ABL1: variants seen among roughly 807,000 people sequenced by gnomAD.
ABL1 encodes the protein ABL proto-oncogene 1, non-receptor tyrosine kinase, also known as tyrosine-protein kinase ABL1.
ABL1 carries 11 observed loss-of-function variants against 94.7 expected under a neutral mutation model. That is an observed-to-expected ratio of 0.12 (90% CI 0.07 to 0.19). The LOEUF (loss-of-function observed/expected upper bound fraction) is 0.19. ABL1 is among the 10% of genes least tolerant of loss of function. The pLI, the probability that ABL1 is intolerant of heterozygous loss-of-function variation, is 1.00. For missense variants in ABL1, 1,082 were observed against 1,489.4 expected (o/e 0.73, Z 4.50); for synonymous variants, 656 against 622.4 (o/e 1.05, Z -0.80).
Position 130,761,208 on chromosome 9 carries a change from C to T in ABL1, c.136+46753C>T, listed in dbSNP as rs146254424. Among the ~76,000 whole-genome samples, 1,182 of 152,270 alleles carry T rather than the reference C, an allele frequency of 7.8e-3. 14 individuals carry two copies. The highest frequency in any genetic ancestry group is 0.026 in the African/African-American group (1,101 of 41,562). On this transcript the variant is annotated intron_variant, in intron 1 of 10. Transcript: ENST00000372348. ...GGTCTCGATCTCCTGACCTCGTGATCCACCCGCCTTGGCCTCCCAAAGTGC... is the reference window on the plus strand; with the variant it reads ...GGTCTCGATCTCCTGACCTCGTGATTCACCCGCCTTGGCCTCCCAAAGTGC...
chr9:130,731,122 T>G (rs1471650874), intron 1 of ABL1, among the ~76,000 whole-genome samples: 1 of 144,634 alleles, frequency 6.9e-6, no homozygotes, highest in Non-Finnish European at 1.5e-5. Context: ...TTCTCCTGCC[T>G]CAGTCCCCCG....
chr9:130,874,895 AG>A lies in ABL1; in HGVS notation c.1117del (p.Glu373ArgfsTer5). 6.2e-7 allele frequency: 1 copy of A among 1,614,196 alleles called. No homozygotes were observed. The highest frequency in any genetic ancestry group is 1.1e-5 in the South Asian group (1 of 91,078). On this transcript the variant is annotated frameshift_variant, in exon 7 of 11. Coordinates refer to ENST00000318560, the MANE Select transcript of ABL1 (RefSeq NM_005157.6). LOFTEE classifies it high-confidence loss of function. The stretch of plus-strand genomic sequence containing the variant: ...ATCTTGCTGCCCGAAACTGCCTGGT[AG>A]GGGAGAACCACTTGGTGAAGGTAGC... ...RDLAARNCLV[G>X]ENHLVKVADF...
chr9:130,873,761 T>C (rs1831294244), intron 6 of ABL1, among the ~76,000 whole-genome samples: 1 of 152,250 alleles, frequency 6.6e-6, no homozygotes, highest in South Asian at 2.1e-4. Context: ...TGATGGGCTT[T>C]GCTGGCGTCT....
At chr9:130,788,383 G>GT (rs1201618922) in intron 1 of ABL1, among the ~76,000 whole-genome samples, 1 of 152,184 alleles carries the variant, frequency 6.6e-6, no homozygotes, top group Non-Finnish European at 1.5e-5. Context: ...TCATTTGGGA[G>GT]TAGGTCACAA....
Position 130,885,867 on chromosome 9 carries a change from C to A in ABL1, c.*184C>A. 1.4e-6 allele frequency: 1 copy of A among 717,644 alleles called. No homozygotes were observed. The highest frequency in any genetic ancestry group is 2.2e-6 in the Non-Finnish European group (1 of 450,880). 44.5% of individuals were successfully genotyped at this position (717,644 alleles called of 1,614,324 possible). On this transcript the variant is annotated 3_prime_UTR_variant, in exon 11 of 11. Coordinates refer to ENST00000318560, the MANE Select transcript of ABL1 (RefSeq NM_005157.6). ...CTACTACCTACGTTTGCACCGCCTG[C>A]CCTCCCGCACCTTCCTCCTCCCCGC...
At chr9:130,878,374 T>C in intron 7 of ABL1, 41 bp from the exon 8 acceptor site, 1 of 1,609,696 alleles carries the variant, frequency 6.2e-7, no homozygotes, top group Non-Finnish European at 8.5e-7. Flanking sequence ...AGTGAAATGC[T>C]ACACATCTTG....
At chr9:130,776,611 T>C (rs1832314674) in intron 1 of ABL1, among the ~76,000 whole-genome samples, 1 of 151,422 alleles carries the variant, frequency 6.6e-6, no homozygotes, top group Non-Finnish European at 1.5e-5. Context: ...TGGTGACTCT[T>C]TTCTTGAGGT....
At chr9:130,866,527 C>T (rs779225634) in intron 4 of ABL1, among the ~76,000 whole-genome samples, 6 of 152,102 alleles carry the variant, frequency 3.9e-5, no homozygotes, top group Non-Finnish European at 7.3e-5. Flanking sequence ...GCTGGCTTCT[C>T]CAAGGGCAGA....
Position 130,872,748 on chromosome 9 carries a change from C to A in ABL1, c.908-112C>A. 2 of 1,149,634 alleles carry A rather than the reference C, an allele frequency of 1.7e-6. No individual in the cohort carries two copies. Among genetic ancestry groups the A allele is most frequent in the Non-Finnish European group, 2.5e-6 (2 of 807,796 alleles). 71.2% of individuals were successfully genotyped at this position (1,149,634 alleles called of 1,614,324 possible). A position where few individuals can be genotyped will look rare whatever the true frequency, so the allele number is the denominator to read the frequency against. On this transcript the variant is annotated intron_variant, in intron 5 of 10. Coordinates refer to ENST00000318560, the MANE Select transcript of ABL1 (RefSeq NM_005157.6). The surrounding 1 kb of genome is among the most constrained non-coding windows in gnomAD (Gnocchi z 5.0). The stretch of plus-strand genomic sequence containing the variant: ...GCTTGGGACCATGTTGGAAGTTGGG[C>A]CCAGGACTGAGGAGCAGAGTCAGAA...
chr9:130,774,801 C>G (rs534371051), intron 1 of ABL1, among the ~76,000 whole-genome samples: 303 of 151,858 alleles, frequency 2.0e-3, no homozygotes, highest in African/African-American at 6.9e-3. Context: ...GAGATTGCAC[C>G]ACTGCACTCC....
chr9:130,750,192 CATATATATATAT>C (rs56263750), intron 1 of ABL1, among the ~76,000 whole-genome samples: 27,106 of 106,498 alleles, frequency 0.25, 4,318 homozygotes, highest in East Asian at 0.55. Flanking sequence ...AAAAAAAATA[CATATATATATAT>C]ATATATATAT....
chr9:130,752,958 CAAA>C (rs752754691), intron 1 of ABL1, among the ~76,000 whole-genome samples: 6 of 82,510 alleles, frequency 7.3e-5, no homozygotes, highest in Non-Finnish European at 2.6e-5. Context: ...GACTTCGTCT[CAAA>C]AAAAAAAAAA....
At position 130,872,984 on chromosome 9, in the gene ABL1, C is replaced by T; in HGVS notation, c.1032C>T (p.Ala344=). 6.2e-7 allele frequency: 1 copy of T among 1,614,160 alleles called. No individual in the cohort carries two copies. The highest frequency in any genetic ancestry group is 8.5e-7 in the Non-Finnish European group (1 of 1,180,024). The part of the protein sequence containing the change: ...EVNAVVLLYM[A]TQISSAMEYL... ...ACGCCGTGGTGCTGCTGTACATGGC[C>T]ACTCAGATCTCGTCAGCCATGGAGT... Residue 344 remains alanine, a synonymous_variant, in exon 6 of 11, where the codon GCC becomes GCT. Transcript: ENST00000318560. This position sits in a 1 kb window ranked among gnomAD's most constrained non-coding sequence, Gnocchi z 5.0.
intron 1 of ABL1, among the ~76,000 whole-genome samples, chr9:130,731,660 T>C (rs1831668490): frequency 6.6e-6 from 1 of 152,228 alleles, no homozygotes. Flanking sequence ...TGTATTACTG[T>C]AGCTTTAAAA....
At chr9:130,817,067 A>AGTGAG (rs1830297052) in intron 1 of ABL1, among the ~76,000 whole-genome samples, 1 of 152,142 alleles carries the variant, frequency 6.6e-6, no homozygotes, top group Admixed American at 6.5e-5. Flanking sequence ...CACTTTCCTG[A>AGTGAG]CCTTAGAATT....
chr9:130,872,727 G>T lies in ABL1; in HGVS notation c.908-133G>T. The T allele has an allele frequency of 2.4e-6, 2 of 843,666 alleles. No homozygotes were observed. Among genetic ancestry groups the T allele is most frequent in the Non-Finnish European group, 3.7e-6 (2 of 547,636 alleles). The allele number at this position is 843,666 out of a possible 1,614,324, so 52.3% of individuals were successfully genotyped here. A position where few individuals can be genotyped will look rare whatever the true frequency, so the allele number is the denominator to read the frequency against. ...GCACAGTCTCAGGATGCAGGTGCTT[G>T]GGACCATGTTGGAAGTTGGGCCCAG... On this transcript the variant is annotated intron_variant, in intron 5 of 10. Coordinates refer to ENST00000318560, the MANE Select transcript of ABL1 (RefSeq NM_005157.6). The surrounding 1 kb of genome is among the most constrained non-coding windows in gnomAD (Gnocchi z 5.0).
Position 130,880,748 on chromosome 9 carries a change from G to A in ABL1, c.1678+84G>A. 2.0e-6 allele frequency: 3 copies of A among 1,497,508 alleles called. No individual in the cohort carries two copies. Among genetic ancestry groups the A allele is most frequent in the Non-Finnish European group, 2.7e-6 (3 of 1,111,406 alleles). The allele number at this position is 1,497,508 out of a possible 1,614,324, so 92.8% of individuals were successfully genotyped here. ...TCAGGCCATCATAGGCCAACGGGAA[G>A]CTGTGAATGGAGCCCGCACAGAAGG... is the stretch of plus-strand genomic sequence containing the variant. On this transcript the variant is annotated intron_variant, in intron 10 of 10. Transcript: ENST00000318560. This position sits in a 1 kb window ranked among gnomAD's most constrained non-coding sequence, Gnocchi z 4.4.
rs753386838 is a variant in ABL1 at position 130,885,397 on chromosome 9, C to G, written c.3107C>G (p.Thr1036Ser). 2.5e-6 allele frequency: 4 copies of G among 1,613,648 alleles called. No homozygotes were observed. The highest frequency in any genetic ancestry group is 3.3e-4 in the Middle Eastern group (2 of 6,062). ...AITKGVVLDS[T>S]EALCLAISRN... ...ACCAAGGGCGTGGTCCTGGACAGCA[C>G]CGAGGCGCTGTGCCTCGCCATCTCT... The change falls in exon 11 of 11, where the codon ACC (threonine) becomes AGC (serine). Residue 1036 changes from threonine (T) to serine (S), a missense_variant. By Grantham distance (58) the Thr-to-Ser change is moderately conservative (BLOSUM62 1). Coordinates refer to ENST00000318560, the MANE Select transcript of ABL1 (RefSeq NM_005157.6).
rs59537102 is a variant in ABL1 at position 130,789,525 on chromosome 9, T to TACACACACACACAC, written c.137-64530_137-64517dup. The stretch of plus-strand genomic sequence containing the variant: ...AATATGAACACACCAAAAAAGGACA[T>TACACACACACACAC]ACACACACACACACACACACACCCT... On this transcript the variant is annotated intron_variant, in intron 1 of 10. Coordinates refer to the ABL1 transcript ENST00000372348. 1.6e-3 allele frequency among the ~76,000 whole-genome samples: 240 copies of TACACACACACACAC among 148,952 alleles called. 1 individual carries two copies. The highest frequency in any genetic ancestry group is 5.6e-3 in the African/African-American group (229 of 40,948).
Sources: allele counts gnomAD v4.1 joint callset (sites outside exome capture counted in the v4.1 genomes callset), GRCh38; gene constraint gnomAD v4.1.1; non-coding constraint Gnocchi (gnomAD v3.1); transcripts MANE v1.5; gene names NCBI Gene and HGNC (gene_info 2026-07-23, HGNC 2026-07-21).